SCFD2: variants seen among roughly 807,000 people sequenced by gnomAD.
SCFD2 encodes the protein sec1 family domain-containing protein 2.
A neutral mutation model predicts 58.9 loss-of-function variants in SCFD2; 54 were observed. The ratio of observed to expected loss-of-function variants is 0.92; its 90% CI spans 0.74 to 1.15. The LOEUF is 1.15. SCFD2 is among the 50% of genes most tolerant of loss of function. The probability of loss-of-function intolerance (pLI) is 0.00; values close to 1 mark genes in which losing one functional copy is unlikely to be tolerated. For synonymous variants in SCFD2, 321 were observed against 335.9 expected (o/e 0.96, Z 0.49); for missense variants, 805 against 836.6 (o/e 0.96, Z 0.47).
chr4:52,975,501 C>T (rs939735068), intron 5 of SCFD2, among the ~76,000 whole-genome samples: 1 of 152,098 alleles, frequency 6.6e-6, no homozygotes, highest in African/African-American at 2.4e-5. Flanking sequence ...GAATGGTGAT[C>T]ATTAAAAAGT....
intron 7 of SCFD2, among the ~76,000 whole-genome samples, chr4:52,892,708 C>G (rs1320565798): frequency 6.6e-6 from 1 of 152,214 alleles, no homozygotes; most frequent in African/African-American, 2.4e-5. Flanking sequence ...CACCACTTAT[C>G]TCTCCTCTCT....
At chr4:53,079,925 T>C (rs1724091918) in intron 5 of SCFD2, among the ~76,000 whole-genome samples, 1 of 152,226 alleles carries the variant, frequency 6.6e-6, no homozygotes, top group South Asian at 2.1e-4. Context: ...ATAAGATTTA[T>C]GTGCATAAAT....
chr4:53,021,195 CAT>C (rs372788438), intron 5 of SCFD2, among the ~76,000 whole-genome samples: 3 of 152,196 alleles, frequency 2.0e-5, no homozygotes, highest in African/African-American at 7.2e-5. Flanking sequence ...AGAGTTGCCA[CAT>C]GTCTGAGGTC....
chr4:53,193,589 T>C (rs999055372), intron 4 of SCFD2, among the ~76,000 whole-genome samples: 5 of 152,132 alleles, frequency 3.3e-5, no homozygotes, highest in Non-Finnish European at 7.4e-5. Context: ...AAATGTCTTC[T>C]CTGGAAACCT....
intron 4 of SCFD2, among the ~76,000 whole-genome samples, chr4:53,245,508 C>T (rs192050442): frequency 1.4e-4 from 22 of 152,038 alleles, no homozygotes; most frequent in African/African-American, 5.3e-4. Context: ...GGGAAAAAAC[C>T]ACATGATCAT....
intron 4 of SCFD2, among the ~76,000 whole-genome samples, chr4:53,250,393 A>C (rs954252289): frequency 6.6e-6 from 1 of 152,150 alleles, no homozygotes; most frequent in Non-Finnish European, 1.5e-5. Flanking sequence ...ACAGATCAAC[A>C]AGACAGAAAG....
chr4:53,252,272 G>C (rs1237471574), intron 4 of SCFD2, among the ~76,000 whole-genome samples: 2 of 147,040 alleles, frequency 1.4e-5, no homozygotes, highest in African/African-American at 2.5e-5. Flanking sequence ...ATGCTCATGG[G>C]TAGGAAGAAT....
chr4:52,932,718 G>T lies in SCFD2; in HGVS notation c.1562-11848C>A, dbSNP rs143002263. Reference sequence around the variant, plus strand: ...TTTATTTTTCTTCCAGTAGCAGACAGATCAAATGAGGCCCCCACTTTCTCC... The same window carrying T: ...TTTATTTTTCTTCCAGTAGCAGACATATCAAATGAGGCCCCCACTTTCTCC... On this transcript the variant is annotated intron_variant, in intron 5 of 8. Coordinates refer to ENST00000401642, the MANE Select transcript of SCFD2 (RefSeq NM_152540.4). 1.7e-3 allele frequency among the ~76,000 whole-genome samples: 264 copies of T among 152,198 alleles called. 4 individuals are homozygous for T. Among genetic ancestry groups the T allele is most frequent in the African/African-American group, 5.3e-3 (218 of 41,512 alleles).
chr4:53,257,740 T>G (rs1365187513), intron 4 of SCFD2, among the ~76,000 whole-genome samples: 1 of 151,368 alleles, frequency 6.6e-6, no homozygotes, highest in Non-Finnish European at 1.5e-5. Context: ...CCTTTGGAGA[T>G]TATATTTTTT....
chr4:53,326,552 G>T (rs1055822044), intron 2 of SCFD2, among the ~76,000 whole-genome samples: 9 of 152,070 alleles, frequency 5.9e-5, no homozygotes, highest in African/African-American at 2.2e-4. Context: ...ATAAATGGGG[G>T]AACGTTAGAG....
At chr4:53,096,450 G>C (rs1288608585) in intron 5 of SCFD2, among the ~76,000 whole-genome samples, 1 of 152,184 alleles carries the variant, frequency 6.6e-6, no homozygotes, top group Non-Finnish European at 1.5e-5. Flanking sequence ...GTTTTGACTT[G>C]CATTTCTCTG....
intron 5 of SCFD2, among the ~76,000 whole-genome samples, chr4:53,117,265 C>A (rs1725351096): frequency 6.6e-6 from 1 of 152,156 alleles, no homozygotes; most frequent in Admixed American, 6.6e-5. Flanking sequence ...TGGCCCAGAG[C>A]AGCTTGGAGT....
At chr4:53,010,947 C>T (rs1360785279) in intron 5 of SCFD2, among the ~76,000 whole-genome samples, 1 of 152,064 alleles carries the variant, frequency 6.6e-6, no homozygotes, top group African/African-American at 2.4e-5. Flanking sequence ...CTTAAAAGAC[C>T]AACGGCAAAC....
chr4:53,188,421 GTGTGT>G (rs1727799111), intron 4 of SCFD2, among the ~76,000 whole-genome samples: 2 of 19,444 alleles, frequency 1.0e-4, no homozygotes, highest in South Asian at 2.0e-3. Context: ...CAAAACTGGT[GTGTGT>G]GTGTGTGTGT....
intron 2 of SCFD2, among the ~76,000 whole-genome samples, chr4:53,349,123 T>C (rs1253668332): frequency 1.3e-5 from 2 of 152,168 alleles, no homozygotes; most frequent in African/African-American, 4.8e-5. Context: ...TACATGAACA[T>C]AGCCTAAGTG....
In SCFD2 at chr4:53,081,989, G is replaced by A. The variant is rs529895664; in HGVS notation, c.1561+63344C>T. ...TTTTATGTGTGGCTTCTTTAATGTA[G>A]CATAATGTTTTTAAGGTTCATCCAT... On this transcript the variant is annotated intron_variant, in intron 5 of 8. Coordinates refer to ENST00000401642, the MANE Select transcript of SCFD2 (RefSeq NM_152540.4). Among the ~76,000 whole-genome samples the A allele has an allele frequency of 2.6e-4, 39 of 152,204 alleles. 1 individual carries two copies. The highest frequency in any genetic ancestry group is 3.4e-3 in the Middle Eastern group (1 of 294).
At chr4:53,030,928 C>T (rs1429619796) in intron 5 of SCFD2, among the ~76,000 whole-genome samples, 1 of 152,236 alleles carries the variant, frequency 6.6e-6, no homozygotes, top group African/African-American at 2.4e-5. Flanking sequence ...TACTCCCACA[C>T]AGCAGAAGAC....
At chr4:53,303,166 C>T (rs1732376421) in intron 3 of SCFD2, among the ~76,000 whole-genome samples, 1 of 152,270 alleles carries the variant, frequency 6.6e-6, no homozygotes, top group African/African-American at 2.4e-5. Flanking sequence ...GAACAGGCAA[C>T]CTACAGAATG....
chr4:52,987,574 G>A (rs970157622), intron 5 of SCFD2, among the ~76,000 whole-genome samples: 4 of 152,272 alleles, frequency 2.6e-5, no homozygotes, highest in East Asian at 3.9e-4. Flanking sequence ...GGAAAGGTGA[G>A]CCATTTCACC....
Sources: allele counts gnomAD v4.1 joint callset (sites outside exome capture counted in the v4.1 genomes callset), GRCh38; gene constraint gnomAD v4.1.1; transcripts MANE v1.5; gene names NCBI Gene and HGNC (gene_info 2026-07-23, HGNC 2026-07-21).